ST7: variants seen among roughly 807,000 people sequenced by gnomAD.
ST7 encodes suppressor of tumorigenicity 7 protein.
ST7 carries 28 observed loss-of-function variants against 78.7 expected under a neutral mutation model. The ratio of observed to expected loss-of-function variants is 0.36; its 90% CI spans 0.26 to 0.49. The LOEUF (loss-of-function observed/expected upper bound fraction) is 0.49. ST7 is among the 20% of genes least tolerant of loss of function. The pLI, the probability that ST7 is intolerant of heterozygous loss-of-function variation, is 0.99. For missense variants in ST7, 418 were observed against 696.0 expected (o/e 0.60, Z 4.49); for synonymous variants, 247 against 249.6 (o/e 0.99, Z 0.10).
At chr7:117,217,306 A>C (rs759954354) in intron 13 of ST7, among the ~76,000 whole-genome samples, 3 of 152,070 alleles carry the variant, frequency 2.0e-5, no homozygotes, top group African/African-American at 7.2e-5. Flanking sequence ...AAAACAAAAA[A>C]AAAAACTTCC....
intron 1 of ST7, among the ~76,000 whole-genome samples, chr7:116,998,463 G>T (rs1280450473): frequency 3.3e-5 from 5 of 152,222 alleles, no homozygotes; most frequent in African/African-American, 1.2e-4. Flanking sequence ...GCGGCGGGCT[G>T]AAGGGCCCCT....
chr7:117,226,883 C>T (rs1192929686), intron 15 of ST7, among the ~76,000 whole-genome samples: 7 of 152,060 alleles, frequency 4.6e-5, no homozygotes, highest in Non-Finnish European at 7.4e-5. Flanking sequence ...TCATTCTATA[C>T]GTTGGAAGCA....
intron 1 of ST7, among the ~76,000 whole-genome samples, chr7:117,047,400 C>T (rs553179032): frequency 2.6e-5 from 4 of 152,216 alleles, no homozygotes; most frequent in East Asian, 1.9e-4. Context: ...GATTGTTTTA[C>T]GAAATAGAGC....
intron 2 of ST7, among the ~76,000 whole-genome samples, chr7:117,119,191 T>G (rs995871388): frequency 1.3e-5 from 2 of 152,228 alleles, no homozygotes; most frequent in African/African-American, 4.8e-5. Context: ...CTGGAATATT[T>G]CATAAGCCGT....
intron 1 of ST7, among the ~76,000 whole-genome samples, chr7:117,010,093 A>G (rs1248435549): frequency 2.0e-5 from 3 of 152,348 alleles, no homozygotes; most frequent in Admixed American, 1.3e-4. Flanking sequence ...GATGATTGTT[A>G]TCTGTGAAAG....
intron 10 of ST7, among the ~76,000 whole-genome samples, chr7:117,173,877 C>T (rs969785610): frequency 7.9e-5 from 12 of 151,924 alleles, no homozygotes; most frequent in Non-Finnish European, 8.8e-5. Context: ...GCTTTTCTGA[C>T]CTTTTCAAAA....
At chr7:117,134,337 C>T (rs1160915690) in intron 7 of ST7, 145 bp downstream of exon 7, 3 of 1,245,512 alleles carry the variant, frequency 2.4e-6, no homozygotes, top group African/African-American at 1.5e-5. Flanking sequence ...CTATATCTTC[C>T]ATCGAGCTGA....
chr7:117,031,083 G>C (rs1321910469), intron 1 of ST7, among the ~76,000 whole-genome samples: 1 of 151,970 alleles, frequency 6.6e-6, no homozygotes, highest in Non-Finnish European at 1.5e-5. Flanking sequence ...AACTAACACA[G>C]GAAAAGAAAA....
intron 10 of ST7, among the ~76,000 whole-genome samples, chr7:117,171,463 T>C (rs1807985065): frequency 6.6e-6 from 1 of 152,124 alleles, no homozygotes; most frequent in African/African-American, 2.4e-5. Context: ...GATGAAATCA[T>C]GTCCGCTTCA....
intron 10 of ST7, among the ~76,000 whole-genome samples, chr7:117,182,346 G>C (rs1226560523): frequency 6.6e-6 from 1 of 152,090 alleles, no homozygotes; most frequent in Non-Finnish European, 1.5e-5. Flanking sequence ...TGATGATAAT[G>C]GTCATTTAGG....
intron 9 of ST7, among the ~76,000 whole-genome samples, chr7:117,158,539 G>A (rs1182653862): frequency 6.6e-6 from 1 of 152,212 alleles, no homozygotes; most frequent in Admixed American, 6.5e-5. Flanking sequence ...TCAGTTCAGT[G>A]AAGAACTTGT....
At chr7:116,971,723 G>A (rs1040391571) in intron 1 of ST7, among the ~76,000 whole-genome samples, 4 of 152,104 alleles carry the variant, frequency 2.6e-5, no homozygotes. Flanking sequence ...CAGTAAGGCA[G>A]GCCTATACCT....
At chr7:117,064,369 G>A (rs1040538441) in intron 1 of ST7, among the ~76,000 whole-genome samples, 2 of 152,160 alleles carry the variant, frequency 1.3e-5, no homozygotes, top group African/African-American at 2.4e-5. Flanking sequence ...CTATGCTTCT[G>A]TCAGGGGCTT....
intron 2 of ST7, among the ~76,000 whole-genome samples, chr7:117,103,901 G>A (rs576046971): frequency 8.5e-5 from 13 of 152,144 alleles, no homozygotes; most frequent in Non-Finnish European, 1.5e-4. Context: ...TAGCAAAACC[G>A]CAAATAATCC....
chr7:116,963,202 G>C (rs963953302), intron 1 of ST7, among the ~76,000 whole-genome samples: 1 of 152,150 alleles, frequency 6.6e-6, no homozygotes, highest in African/African-American at 2.4e-5. Context: ...CCACACTACT[G>C]TCTGTTTGTT....
In ST7 at chr7:117,159,582, A is replaced by G. The variant is rs142511226; in HGVS notation, c.964-11280A>G. ...CTTAGCTGATAGAAAACAGGCCTTTATCATATGCTTTCATTCAAAGCTTGA... is the reference window on the plus strand; with the variant it reads ...CTTAGCTGATAGAAAACAGGCCTTTGTCATATGCTTTCATTCAAAGCTTGA... On this transcript the variant is annotated intron_variant, in intron 9 of 15. Transcript: ENST00000323984. Among the ~76,000 whole-genome samples the G allele has an allele frequency of 3.0e-4, 45 of 152,312 alleles. No homozygotes were observed. In the East Asian group the frequency reaches 7.1e-3, roughly 24 times the overall value.
chr7:117,097,401 C>T (rs1473769272), intron 1 of ST7, among the ~76,000 whole-genome samples: 7 of 151,172 alleles, frequency 4.6e-5, no homozygotes, highest in African/African-American at 1.2e-4. Flanking sequence ...TCTTGACTCA[C>T]GGCAACTTCC....
At chr7:117,045,449 G>T (rs376105833) in intron 1 of ST7, among the ~76,000 whole-genome samples, 19 of 151,908 alleles carry the variant, frequency 1.3e-4, no homozygotes, top group Non-Finnish European at 1.8e-4. Flanking sequence ...CCTCTTTCCG[G>T]AATGTTCTTT....
intron 1 of ST7, chr7:116,954,216 C>A (rs947114100): frequency 2.6e-5 from 4 of 152,128 alleles, no homozygotes; most frequent in African/African-American, 7.2e-5. Context: ...CCCCCTGACC[C>A]GGCCGGGCTG....
Sources: allele counts gnomAD v4.1 joint callset (sites outside exome capture counted in the v4.1 genomes callset), GRCh38; gene constraint gnomAD v4.1.1; transcripts MANE v1.5; gene names NCBI Gene and HGNC (gene_info 2026-07-23, HGNC 2026-07-21).